Variants in CLIC5 observed in about 807,000 individuals in gnomAD.
The protein encoded by CLIC5 is CLIC family member 5, also known as chloride intracellular channel protein 5.
A neutral mutation model predicts 24.7 loss-of-function variants in CLIC5; 20 were observed. The ratio of observed to expected loss-of-function variants is 0.81; its 90% CI spans 0.57 to 1.18. The LOEUF (loss-of-function observed/expected upper bound fraction) is 1.18, where lower values mean the gene tolerates loss of function less well. Among genes scored for constraint, CLIC5 ranks in the 50% most tolerant of loss-of-function variants. CLIC5 has a pLI of 0.00. For synonymous variants in CLIC5, 159 were observed against 135.6 expected, an observed-to-expected ratio of 1.17 and a Z score of -1.20; for missense variants, 341 against 326.1, an observed-to-expected ratio of 1.05 and a Z score of -0.35.
In CLIC5 at chr6:45,955,221, G is replaced by A. The variant is rs751565643; in HGVS notation, c.87C>T (p.Ile29=). The change falls in exon 2 of 6, where the codon ATC becomes ATT. Residue 29 remains isoleucine (I), a synonymous_variant. Coordinates refer to ENST00000339561, the MANE Select transcript of CLIC5 (RefSeq NM_016929.5). The part of the protein sequence containing the change: ...FVKAGIDGES[I]GNCPFSQRLF... ...GGCGCTGAGAGAAAGGACAGTTGCC[G>A]ATGCTTTCTCCATCGATTCCAGCCT... 19 of 1,613,634 alleles carry A rather than the reference G, an allele frequency of 1.2e-5. No individual in the cohort carries two copies. The highest frequency in any genetic ancestry group is 3.3e-4 in the Middle Eastern group (2 of 6,076).
At chr6:45,990,353 C>A (rs773329350) in intron 1 of CLIC5, among the ~76,000 whole-genome samples, 2 of 152,172 alleles carry the variant, frequency 1.3e-5, no homozygotes, top group African/African-American at 2.4e-5. Context: ...TTAGGGGCAG[C>A]TAAAAATATA....
chr6:45,978,209 T>C (rs10484841), intron 1 of CLIC5, among the ~76,000 whole-genome samples: 99,599 of 151,980 alleles, frequency 0.66, 32,964 homozygotes, highest in Admixed American at 0.73. Flanking sequence ...ATAAACAGCA[T>C]TACATTATGA....
rs762161759 is a variant in CLIC5 at position 46,015,586 on chromosome 6, A to C, written c.-44T>G. 6.5e-7 allele frequency: 1 copy of C among 1,535,314 alleles called. No homozygotes were observed. ...TACCGTCCCGGGCCGGGGAGGCGCC[A>C]CCTCTGCAGCACCTGGGCCAGCACT... On this transcript the variant is annotated 5_prime_UTR_variant, in exon 1 of 6. Coordinates refer to ENST00000339561, the MANE Select transcript of CLIC5 (RefSeq NM_016929.5).
intron 1 of CLIC5, among the ~76,000 whole-genome samples, chr6:46,032,816 G>T (rs954930695): frequency 6.6e-6 from 1 of 152,056 alleles, no homozygotes; most frequent in African/African-American, 2.4e-5. Context: ...AACTCTCAGA[G>T]AATACATTAC....
chr6:46,085,871 A>T, the CLIC5 span, among the ~76,000 whole-genome samples: 4 of 152,140 alleles, frequency 2.6e-5, no homozygotes, highest in South Asian at 8.3e-4. Context: ...GGCAGGCAGG[A>T]CTCCTTGAGC....
chr6:46,014,273 A>G (rs889465125), intron 1 of CLIC5: 1 of 152,244 alleles, frequency 6.6e-6, no homozygotes, highest in Non-Finnish European at 1.5e-5. Context: ...AGAAAGTACC[A>G]AAGACCACAG....
chr6:45,993,468 A>C (rs114040526), intron 1 of CLIC5, among the ~76,000 whole-genome samples: 3,161 of 152,334 alleles, frequency 0.021, 117 homozygotes, highest in African/African-American at 0.073. Flanking sequence ...AGTAAAGATC[A>C]ATGCATCTGC....
chr6:45,959,263 G>A (rs2179992), intron 1 of CLIC5, among the ~76,000 whole-genome samples: 4,584 of 152,288 alleles, frequency 0.03, 136 homozygotes, highest in South Asian at 0.14. Context: ...TTTTGTTTAT[G>A]TGGATGATAG....
chr6:45,950,917 T>C (rs1030853019), intron 2 of CLIC5, among the ~76,000 whole-genome samples: 3 of 152,190 alleles, frequency 2.0e-5, no homozygotes, highest in African/African-American at 7.2e-5. Context: ...AAAAATCTCC[T>C]AGGAGTCAGA....
Position 45,949,388 on chromosome 6 carries a change from A to C in CLIC5, c.174-7T>G, listed in dbSNP as rs962214313. On this transcript the variant is annotated splice_polypyrimidine_tract_variant and splice_region_variant and intron_variant, in intron 2 of 5. Coordinates refer to ENST00000339561, the MANE Select transcript of CLIC5 (RefSeq NM_016929.5). ...GTGCAGGTCAGCTGGCTTTCTGTAG[A>C]GAGAGCAAGATTCAGGTGTTGGCTT... is the stretch of plus-strand genomic sequence containing the variant. 2 of 1,611,994 alleles carry C rather than the reference A, an allele frequency of 1.2e-6. No individual in the cohort carries two copies. The highest frequency in any genetic ancestry group is 1.7e-6 in the Non-Finnish European group (2 of 1,179,070).
rs752061871 is a variant in CLIC5, at chr6:46,067,396, GC to G, written c.540+12306del. On this transcript the variant is annotated intron_variant, in intron 1 of 5. Coordinates refer to the CLIC5 transcript ENST00000185206. ...TATTCTGATTGGAAGCCACATCCTG[GC>G]CAGCTGATATTCTCTCCCGCAGGGT... Among the ~76,000 whole-genome samples, 6 of 152,180 alleles carry G rather than the reference GC, an allele frequency of 3.9e-5. No individual in the cohort carries two copies. The East Asian group carries it at 9.7e-4, about 25-fold the overall frequency.
intron 1 of CLIC5, among the ~76,000 whole-genome samples, chr6:45,965,330 C>G (rs1479067458): frequency 6.6e-6 from 1 of 152,174 alleles, no homozygotes; most frequent in African/African-American, 2.4e-5. Context: ...CACCCTCCAA[C>G]CAAACACCTT....
At chr6:46,024,512 C>T (rs2127452002) in intron 1 of CLIC5, among the ~76,000 whole-genome samples, 1 of 152,272 alleles carries the variant, frequency 6.6e-6, no homozygotes, top group African/African-American at 2.4e-5. Context: ...AAGACAGAAC[C>T]TGACTGAGAG....
At chr6:46,096,080 A>T in the CLIC5 span, among the ~76,000 whole-genome samples, 1 of 152,218 alleles carries the variant, frequency 6.6e-6, no homozygotes, top group Non-Finnish European at 1.5e-5. Flanking sequence ...TCATGGCAGA[A>T]GGCAAAGCCT....
intron 1 of CLIC5, among the ~76,000 whole-genome samples, chr6:46,046,949 G>A (rs1171849363): frequency 6.6e-6 from 1 of 152,196 alleles, no homozygotes; most frequent in African/African-American, 2.4e-5. Flanking sequence ...ACGCAAGGAT[G>A]ATTTATTGTC....
At chr6:46,048,498 C>T (rs1184467452) in intron 1 of CLIC5, among the ~76,000 whole-genome samples, 1 of 152,060 alleles carries the variant, frequency 6.6e-6, no homozygotes, top group African/African-American at 2.4e-5. Flanking sequence ...TGGCCTCATA[C>T]ACAGCAGGCA....
the CLIC5 span, chr6:46,102,575 T>C: frequency 6.6e-6 from 1 of 152,568 alleles, no homozygotes; most frequent in Non-Finnish European, 1.5e-5. Context: ...AACTTTTATT[T>C]CTGATGCCTT....
chr6:46,044,735 G>A (rs1010362042), intron 1 of CLIC5, among the ~76,000 whole-genome samples: 1 of 152,124 alleles, frequency 6.6e-6, no homozygotes, highest in Non-Finnish European at 1.5e-5. Context: ...GACTGAAGAT[G>A]AAAAAGAATG....
At chr6:45,897,702 A>G (rs1435575349), downstream of CLIC5, among the ~76,000 whole-genome samples, 2 of 152,152 alleles carry the variant, frequency 1.3e-5, no homozygotes, top group East Asian at 3.9e-4. Context: ...AAAGCTTACT[A>G]AGGACTCTGG....
Sources: allele counts gnomAD v4.1 joint callset (sites outside exome capture counted in the v4.1 genomes callset), GRCh38; gene constraint gnomAD v4.1.1; transcripts MANE v1.5; gene names NCBI Gene and HGNC (gene_info 2026-07-23, HGNC 2026-07-21).